The following TRIM5 variants were observed in gnomAD, a reference collection of about 807,000 sequenced individuals.
TRIM5 encodes tripartite motif containing 5.
TRIM5 carries 31 observed loss-of-function variants against 35.6 expected under a neutral mutation model. The ratio of observed to expected loss-of-function variants is 0.87; its 90% confidence interval spans 0.65 to 1.18. TRIM5 has a LOEUF of 1.18. Ranked by LOEUF, TRIM5 falls within the 50% of genes most tolerant of loss-of-function variation. The pLI is 0.00. For synonymous variants in TRIM5, 243 were observed against 215.6 expected (o/e 1.13, Z -1.11); for missense variants, 609 against 591.6 (o/e 1.03, Z -0.31).
chr11:5,596,005 A>G, the TRIM5 span: 1 of 152,222 alleles, frequency 6.6e-6, no homozygotes. Context: ...CATCTCCCTT[A>G]CCACCTGAGG....
chr11:5,657,891 C>G, the TRIM5 span, among the ~76,000 whole-genome samples: 1 of 150,774 alleles, frequency 6.6e-6, no homozygotes, highest in Non-Finnish European at 1.5e-5. Flanking sequence ...GCTGGGATTA[C>G]AGGCCTGAGC....
At chr11:5,672,156 C>G (rs1851630204) in intron 4 of TRIM5, among the ~76,000 whole-genome samples, 1 of 152,168 alleles carries the variant, frequency 6.6e-6, no homozygotes, top group Admixed American at 6.5e-5. Flanking sequence ...AAAATATTCT[C>G]AGATGAAGAC....
At chr11:5,656,645 C>T in the TRIM5 span, among the ~76,000 whole-genome samples, 20 of 151,894 alleles carry the variant, frequency 1.3e-4, no homozygotes, top group Non-Finnish European at 2.2e-4. Context: ...TGAGCCACTA[C>T]GACAGGCCAT....
At chr11:5,634,905 C>T in the TRIM5 span, 2 of 1,586,900 alleles carry the variant, frequency 1.3e-6, no homozygotes, top group South Asian at 1.1e-5. Context: ...ACACAGTTCC[C>T]TCCTGTGTCC....
chr11:5,655,191 C>CT, the TRIM5 span, among the ~76,000 whole-genome samples: 1 of 138,756 alleles, frequency 7.2e-6, no homozygotes, highest in African/African-American at 2.7e-5. Context: ...GAAACTCCGT[C>CT]TAAAAAAAAA....
At chr11:5,630,398 A>C in the TRIM5 span, among the ~76,000 whole-genome samples, 1 of 151,836 alleles carries the variant, frequency 6.6e-6, no homozygotes, top group Non-Finnish European at 1.5e-5. Flanking sequence ...GCATCCTCCC[A>C]TCCCTGCCCC....
Position 5,678,403 on chromosome 11 carries a change from A to C in TRIM5, c.545T>G (p.Leu182Trp), listed in dbSNP as rs1852162162. 1 of 1,590,304 alleles carries C rather than the reference A, an allele frequency of 6.3e-7. No individual in the cohort carries two copies. Among genetic ancestry groups the C allele is most frequent in the Non-Finnish European group, 8.6e-7 (1 of 1,164,770 alleles). Residue 182 changes from leucine to tryptophan, a missense_variant, in exon 4 of 8, where the codon TTG becomes TGG. Transcript: ENST00000380034. ...GTCTCTCAGTTGCTCAAAATCTGCC[A>C]AGACGTTGGTTTTGTCATACTGTAT... Reference protein sequence around the residue: ...TQIQYDKTNVLADFEQLRDIL... With the variant: ...TQIQYDKTNVWADFEQLRDIL...
chr11:5,605,190 A>G, the TRIM5 span: 53 of 1,082,162 alleles, frequency 4.9e-5, 1 homozygote, highest in Admixed American at 4.4e-4. Flanking sequence ...AACAGGCTAC[A>G]AAGGCTTTCT....
At position 5,664,654 on chromosome 11, in the gene TRIM5, A is replaced by C; in HGVS notation, c.*155T>G. On this transcript the variant is annotated 3_prime_UTR_variant, in exon 8 of 8. Transcript: ENST00000380034. Reference sequence around the variant, plus strand: ...TATTGGGGACAATATGGCACAAGGCAATTATTACATTTTACTGATGAGTGA... The same window carrying C: ...TATTGGGGACAATATGGCACAAGGCCATTATTACATTTTACTGATGAGTGA... 1.4e-6 allele frequency: 2 copies of C among 1,393,702 alleles called. No homozygotes were observed. Among genetic ancestry groups the C allele is most frequent in the South Asian group, 1.9e-5 (1 of 52,768 alleles). The allele number at this position is 1,393,702 out of a possible 1,614,324, so 86.3% of individuals were successfully genotyped here.
Position 5,679,893 on chromosome 11 carries a change from A to T in TRIM5, c.285T>A (p.Cys95Ter), listed in dbSNP as rs911738380. Residue 95 changes from cysteine (C) to a stop codon, truncating the protein, a stop_gained, in exon 2 of 8, where the codon TGT (cysteine) becomes TGA (stop). Coordinates refer to ENST00000380034, the MANE Select transcript of TRIM5 (RefSeq NM_033034.3). LOFTEE classifies it high-confidence loss of function. ...GTAGAAGTTTCTCTCCATGGCGTGC[A>T]CAATGATCAACTTTCTGCCCCTCTG... ...LSPEGQKVDHCARHGEKLLLF... is the reference protein window; with the variant it reads ...LSPEGQKVDH 2 of 1,614,044 alleles carry T rather than the reference A, an allele frequency of 1.2e-6. No individual in the cohort carries two copies. The highest frequency in any genetic ancestry group is 8.5e-7 in the Non-Finnish European group (1 of 1,180,024).
rs567700331 is a variant in TRIM5, at chr11:5,673,986, A to C, written c.744+4218T>G. ...AAGATTTCACCTTAGAAAAATTAGA[A>C]AAGGAACAACAAAAAACTCAACGAA... On this transcript the variant is annotated intron_variant, in intron 4 of 7. Coordinates refer to ENST00000380034, the MANE Select transcript of TRIM5 (RefSeq NM_033034.3). 3.3e-5 allele frequency among the ~76,000 whole-genome samples: 5 copies of C among 152,262 alleles called. No individual in the cohort carries two copies. In the South Asian group the frequency reaches 1.0e-3, roughly 31 times the overall value.
the TRIM5 span, chr11:5,604,782 A>AG: frequency 1.4e-6 from 1 of 712,004 alleles, no homozygotes; most frequent in Non-Finnish European, 2.2e-6. Flanking sequence ...CCTTCCAAAC[A>AG]GGGGGAGGAG....
the TRIM5 span, chr11:5,611,090 G>C: frequency 6.2e-7 from 1 of 1,614,124 alleles, no homozygotes; most frequent in Non-Finnish European, 8.5e-7. Flanking sequence ...GGGTGATTGG[G>C]TTACAGCATA....
the TRIM5 span, among the ~76,000 whole-genome samples, chr11:5,650,295 G>A: frequency 6.6e-6 from 1 of 152,192 alleles, no homozygotes; most frequent in South Asian, 2.1e-4. Flanking sequence ...CCGTGATTCA[G>A]TATATAACAT....
the TRIM5 span, among the ~76,000 whole-genome samples, chr11:5,647,149 A>G: frequency 1.3e-5 from 2 of 152,102 alleles, no homozygotes; most frequent in Non-Finnish European, 2.9e-5. Flanking sequence ...TGCTCAGATA[A>G]TATCTGAGGT....
At chr11:5,604,211 G>A in the TRIM5 span, among the ~76,000 whole-genome samples, 1 of 151,874 alleles carries the variant, frequency 6.6e-6, no homozygotes, top group East Asian at 1.9e-4. Flanking sequence ...ATGGGGTTTT[G>A]CCATGTTGCC....
chr11:5,597,115 T>C, the TRIM5 span, among the ~76,000 whole-genome samples: 2 of 152,186 alleles, frequency 1.3e-5, no homozygotes. Flanking sequence ...GTTAGGAGCA[T>C]AGATGCCGCA....
At chr11:5,625,333 T>C in the TRIM5 span, among the ~76,000 whole-genome samples, 2 of 152,138 alleles carry the variant, frequency 1.3e-5, no homozygotes, top group East Asian at 3.8e-4. Flanking sequence ...TCCATTCCCT[T>C]CCTATTGTAT....
chr11:5,637,954 A>G, the TRIM5 span, among the ~76,000 whole-genome samples: 11 of 152,214 alleles, frequency 7.2e-5, no homozygotes, highest in African/African-American at 2.7e-4. Context: ...TTTTCTGGTA[A>G]TAACACCTGG....
Sources: allele counts gnomAD v4.1 joint callset (sites outside exome capture counted in the v4.1 genomes callset), GRCh38; gene constraint gnomAD v4.1.1; transcripts MANE v1.5; gene names NCBI Gene and HGNC (gene_info 2026-07-23, HGNC 2026-07-21).